Variants in RARS2 observed in about 807,000 individuals in gnomAD.
RARS2 encodes arginyl-tRNA synthetase 2, mitochondrial.
RARS2 carries 67 observed loss-of-function variants against 88.5 expected under a neutral mutation model. That is an observed-to-expected ratio of 0.76 (90% CI 0.62 to 0.93). The LOEUF (loss-of-function observed/expected upper bound fraction) is 0.93. Ranked by LOEUF, RARS2 falls within the 40% of genes least tolerant of loss-of-function variation. The probability of loss-of-function intolerance (pLI) is 0.00; values close to 1 mark genes in which losing one functional copy is unlikely to be tolerated. For synonymous variants in RARS2, 239 were observed against 230.3 expected (o/e 1.04, Z -0.34); for missense variants, 664 against 684.2 (o/e 0.97, Z 0.33).
At chr6:87,521,335 C>A in intron 12 of RARS2, 129 bp downstream of exon 12, 1 of 695,742 alleles carries the variant, frequency 1.4e-6, no homozygotes, top group Non-Finnish European at 2.4e-6. Flanking sequence ...ATAGAAGTTG[C>A]CCACTTTAAA....
chr6:87,572,862 A>G (rs1217524510), intron 1 of RARS2, among the ~76,000 whole-genome samples: 1 of 152,180 alleles, frequency 6.6e-6, no homozygotes, highest in Non-Finnish European at 1.5e-5. Flanking sequence ...CTTCTTGGCA[A>G]TCAAGGTACA....
chr6:87,544,223 G>A (rs891387341), intron 7 of RARS2, among the ~76,000 whole-genome samples: 5 of 152,218 alleles, frequency 3.3e-5, no homozygotes, highest in Admixed American at 1.3e-4. Flanking sequence ...TCTGACTATT[G>A]AGCCTAGGGC....
At chr6:87,526,436 G>A (rs1032447284) in intron 10 of RARS2, among the ~76,000 whole-genome samples, 10 of 151,700 alleles carry the variant, frequency 6.6e-5, no homozygotes, top group Non-Finnish European at 1.3e-4. Flanking sequence ...AGAATAGGTT[G>A]AACCTGGAGG....
chr6:87,575,495 A>G (rs2128206261), intron 1 of RARS2, among the ~76,000 whole-genome samples: 1 of 152,272 alleles, frequency 6.6e-6, no homozygotes, highest in Non-Finnish European at 1.5e-5. Flanking sequence ...TGTCTATCCA[A>G]AATAATTCCA....
intron 8 of RARS2, among the ~76,000 whole-genome samples, chr6:87,540,043 G>A (rs1780418250): frequency 6.6e-6 from 1 of 152,066 alleles, no homozygotes; most frequent in Admixed American, 6.6e-5. Flanking sequence ...AACTCTTAAT[G>A]GGAAAGAGAG....
chr6:87,543,293 ACT>A (rs1781602308), intron 7 of RARS2, among the ~76,000 whole-genome samples: 1 of 151,672 alleles, frequency 6.6e-6, no homozygotes, highest in East Asian at 2.0e-4. Context: ...ACAAGAGCAA[ACT>A]CTGTCTCAAA....
intron 10 of RARS2, 31 bp downstream of exon 10, chr6:87,529,511 A>G: frequency 7.6e-7 from 1 of 1,324,256 alleles, no homozygotes. Context: ...AGAACAAATA[A>G]TTTTACTGAA....
At chr6:87,539,813 T>C (rs1780348446) in intron 8 of RARS2, among the ~76,000 whole-genome samples, 1 of 152,230 alleles carries the variant, frequency 6.6e-6, no homozygotes, top group Non-Finnish European at 1.5e-5. Flanking sequence ...TCAAGTGCTA[T>C]TTCTTTGTGG....
chr6:87,563,047 T>G (rs1193818078), intron 3 of RARS2, among the ~76,000 whole-genome samples: 1 of 152,160 alleles, frequency 6.6e-6, no homozygotes, highest in African/African-American at 2.4e-5. Context: ...AAATTCACCT[T>G]GTAACAAGTA....
chr6:87,584,159 T>G (rs1452176433), intron 1 of RARS2, among the ~76,000 whole-genome samples: 1 of 152,198 alleles, frequency 6.6e-6, no homozygotes, highest in East Asian at 1.9e-4. Flanking sequence ...TGTAACACAG[T>G]ACACAGCTTA....
intron 1 of RARS2, among the ~76,000 whole-genome samples, chr6:87,573,298 G>A (rs1403247149): frequency 1.3e-5 from 2 of 152,126 alleles, no homozygotes; most frequent in South Asian, 2.1e-4. Flanking sequence ...GATCTTGTGA[G>A]AATTCTATCA....
chr6:87,515,558 C>G (rs929451507), intron 18 of RARS2, among the ~76,000 whole-genome samples: 3 of 151,744 alleles, frequency 2.0e-5, no homozygotes, highest in African/African-American at 7.3e-5. Context: ...GTTAATTTTA[C>G]AAATATAAAG....
intron 6 of RARS2, 63 bp downstream of exon 6, chr6:87,548,528 A>T (rs1181232464): frequency 6.7e-7 from 1 of 1,498,946 alleles, no homozygotes; most frequent in East Asian, 2.3e-5. Context: ...AAAACATTAA[A>T]TTGAACTATC....
At position 87,589,981 on chromosome 6, in the gene RARS2, G is replaced by C. The variant is rs750578807; in HGVS notation, c.-24C>G. 2.5e-6 allele frequency: 4 copies of C among 1,614,184 alleles called. No individual in the cohort carries two copies. The highest frequency in any genetic ancestry group is 1.1e-5 in the South Asian group (1 of 91,086). ...ATGTCCACCTCTACGGAAGTGCGCC[G>C]CAGTCCGCCAGTTCCGGCCTCGCCC... On this transcript the variant is annotated 5_prime_UTR_variant, in exon 1 of 20. Coordinates refer to ENST00000369536, the MANE Select transcript of RARS2 (RefSeq NM_020320.5).
chr6:87,565,982 C>T (rs1261164248), intron 2 of RARS2, among the ~76,000 whole-genome samples: 1 of 152,158 alleles, frequency 6.6e-6, no homozygotes, highest in African/African-American at 2.4e-5. Context: ...ATTAAGAATT[C>T]TCCTGAGCCT....
At chr6:87,575,589 C>T (rs1046614255) in intron 1 of RARS2, among the ~76,000 whole-genome samples, 1 of 152,040 alleles carries the variant, frequency 6.6e-6, no homozygotes, top group African/African-American at 2.4e-5. Flanking sequence ...TGGAAGCACA[C>T]ACAAAACTGT....
intron 9 of RARS2, 119 bp downstream of exon 9, chr6:87,530,661 AATTT>A (rs1777206093): frequency 6.8e-6 from 9 of 1,327,272 alleles, no homozygotes; most frequent in Non-Finnish European, 9.5e-6. Flanking sequence ...TTTGAGTCTT[AATTT>A]TAAATTCACC....
At position 87,524,595 on chromosome 6, in the gene RARS2, A is replaced by G; in HGVS notation, c.936T>C (p.Thr312=). The G allele has an allele frequency of 6.2e-7, 1 of 1,613,714 alleles. No homozygotes were observed. The highest frequency in any genetic ancestry group is 1.1e-5 in the South Asian group (1 of 91,080). ...SGNGDPSSIC[T]VMRSDGTSLY... is the part of the protein sequence containing the mutation. ...GAGAAGTCCCATCACTTCGCATTAC[A>G]GTACAAATTGAGGAGGGGTCGCCAT... The change falls in exon 11 of 20, where the codon ACT becomes ACC. Residue 312 remains threonine (T), a synonymous_variant. Transcript: ENST00000369536.
intron 12 of RARS2, 30 bp from the exon 13 acceptor site, chr6:87,520,286 G>T (rs761970133): frequency 1.4e-6 from 2 of 1,477,464 alleles, no homozygotes; most frequent in Non-Finnish European, 9.4e-7. Flanking sequence ...TAAAATAAAA[G>T]AATACTGACA....
Sources: allele counts gnomAD v4.1 joint callset (sites outside exome capture counted in the v4.1 genomes callset), GRCh38; gene constraint gnomAD v4.1.1; transcripts MANE v1.5; gene names NCBI Gene and HGNC (gene_info 2026-07-23, HGNC 2026-07-21).